Variants in GAK observed in about 807,000 individuals in gnomAD.
GAK encodes cyclin-G-associated kinase.
Under a neutral mutation model 143.9 loss-of-function variants are expected in GAK, and 79 were observed. The ratio of observed to expected loss-of-function variants is 0.55; its 90% CI spans 0.46 to 0.66. The LOEUF (loss-of-function observed/expected upper bound fraction) is 0.66. Ranked by LOEUF, GAK falls within the 30% of genes least tolerant of loss-of-function variation. GAK has a pLI of 0.00. For missense variants in GAK, 1,693 were observed against 1,779.7 expected (o/e 0.95, Z 0.88); for synonymous variants, 881 against 765.5 (o/e 1.15, Z -2.49).
In GAK at chr4:904,907, A is replaced by T. The variant is rs963847630; in HGVS notation, c.383-128T>A. The T allele has an allele frequency of 1.2e-5, 11 of 889,090 alleles. No homozygotes were observed. In the Admixed American group the frequency reaches 3.0e-4, roughly 24 times the overall value. 55.1% of individuals were successfully genotyped at this position (889,090 alleles called of 1,614,324 possible). The stretch of plus-strand genomic sequence containing the variant: ...AACCCTGACTTTCCACACCTAAGTA[A>T]CAAAACGACCAGAGGTGACTCCCTT... On this transcript the variant is annotated intron_variant, in intron 4 of 27. Coordinates refer to ENST00000314167, the MANE Select transcript of GAK (RefSeq NM_005255.4).
At chr4:931,380 G>A (rs1482845735) in intron 1 of GAK, among the ~76,000 whole-genome samples, 5 of 152,092 alleles carry the variant, frequency 3.3e-5, no homozygotes, top group Non-Finnish European at 7.4e-5. Flanking sequence ...GAAAGACGAA[G>A]GGGGATCACG....
At chr4:897,436 T>C (rs960693350) in intron 6 of GAK, among the ~76,000 whole-genome samples, 1 of 152,104 alleles carries the variant, frequency 6.6e-6, no homozygotes, top group Non-Finnish European at 1.5e-5. Flanking sequence ...AAGGCCCAAG[T>C]GCAGAGAGCG....
intron 23 of GAK, among the ~76,000 whole-genome samples, chr4:861,324 C>A (rs926223652): frequency 1.3e-5 from 2 of 152,212 alleles, no homozygotes; most frequent in Non-Finnish European, 2.9e-5. Context: ...GGTGCAGCAG[C>A]TCATGCCTGT....
chr4:894,219 T>C (rs1182079620), intron 7 of GAK: 2 of 333,954 alleles, frequency 6.0e-6, no homozygotes, highest in Non-Finnish European at 9.5e-6. Flanking sequence ...CACCGGGGCC[T>C]GCGGGAACAA....
chr4:872,072 G>T (rs945070588), intron 18 of GAK, among the ~76,000 whole-genome samples: 4 of 152,216 alleles, frequency 2.6e-5, no homozygotes, highest in African/African-American at 9.7e-5. Flanking sequence ...TCCGCCGAGG[G>T]AGGGCAGGGA....
intron 12 of GAK, 25 bp downstream of exon 12, chr4:884,012 C>T (rs1306068107): frequency 4.3e-6 from 7 of 1,610,932 alleles, no homozygotes; most frequent in African/African-American, 1.3e-5. Flanking sequence ...GGGGCGCGTC[C>T]CACAGCCTCA....
intron 22 of GAK, among the ~76,000 whole-genome samples, chr4:866,099 T>C (rs553287614): frequency 1.3e-5 from 2 of 152,386 alleles, no homozygotes; most frequent in African/African-American, 4.8e-5. Flanking sequence ...GAGAAACACC[T>C]GTTGCCAGTC....
chr4:857,694 C>A (rs982163519), intron 24 of GAK, among the ~76,000 whole-genome samples: 2 of 152,184 alleles, frequency 1.3e-5, no homozygotes, highest in Non-Finnish European at 2.9e-5. Context: ...TTCCCAGCAG[C>A]CCCGGGAGAG....
At chr4:928,400 CATGCCTGTCGTCCCAGCACTCT>C (rs1254687575) in intron 1 of GAK, among the ~76,000 whole-genome samples, 4 of 152,194 alleles carry the variant, frequency 2.6e-5, no homozygotes, top group Non-Finnish European at 5.9e-5. Context: ...CACATTATCT[CATGCCTGTCGTCCCAGCACTCT>C]GGGAGGCCTA....
In GAK at chr4:905,215, C is replaced by A. The variant is rs190027251; in HGVS notation, c.383-436G>T. Among the ~76,000 whole-genome samples the A allele has an allele frequency of 1.8e-3, 279 of 152,294 alleles. 2 individuals carry two copies. The highest frequency in any genetic ancestry group is 6.5e-3 in the African/African-American group (272 of 41,558). On this transcript the variant is annotated intron_variant, in intron 4 of 27. Transcript: ENST00000314167. Reference sequence around the variant, plus strand: ...TGGGCCCTTGAGCCGCTGCTTGGGCCACCCCCACACCGTGGAGTGTACTTT... The same window carrying A: ...TGGGCCCTTGAGCCGCTGCTTGGGCAACCCCCACACCGTGGAGTGTACTTT...
At chr4:904,808 C>T (rs756797411) in intron 4 of GAK, 29 bp from the exon 5 acceptor site, 4 of 1,609,204 alleles carry the variant, frequency 2.5e-6, no homozygotes, top group Non-Finnish European at 3.4e-6. Flanking sequence ...CACATGGAGG[C>T]AGGAGAACAG....
At chr4:917,444 A>G (rs1455876614) in intron 1 of GAK, among the ~76,000 whole-genome samples, 2 of 152,240 alleles carry the variant, frequency 1.3e-5, no homozygotes, top group African/African-American at 4.8e-5. Flanking sequence ...AAGAGAGTAC[A>G]TATACACATA....
chr4:849,870 G>C, intron 27 of GAK, 22 bp downstream of exon 27: 4 of 1,536,398 alleles, frequency 2.6e-6, no homozygotes, highest in Non-Finnish European at 3.5e-6. Context: ...GCCTCAAGCG[G>C]CCGCCTGGCA....
chr4:893,632 G>T, intron 8 of GAK, 143 bp from the exon 9 acceptor site: 1 of 726,596 alleles, frequency 1.4e-6, no homozygotes, highest in Non-Finnish European at 2.1e-6. Flanking sequence ...AGCGGCAAAG[G>T]GAAGAACAAA....
In GAK at chr4:896,526, C is replaced by T. The variant is rs758841701; in HGVS notation, c.675G>A (p.Met225Ile). The T allele has an allele frequency of 1.4e-5, 22 of 1,613,460 alleles. No individual in the cohort carries two copies. Among genetic ancestry groups the T allele is most frequent in the Non-Finnish European group, 1.6e-5 (19 of 1,179,460 alleles). Residue 225 changes from methionine (M) to isoleucine (I), a missense_variant, in exon 7 of 28, where the codon ATG becomes ATA. Coordinates refer to ENST00000314167, the MANE Select transcript of GAK (RefSeq NM_005255.4). ...EEEITRNTTP[M>I]YRTPEIIDLY... is the part of the protein sequence containing the mutation. ...AGTCTATGATTTCTGGTGTTCTATA[C>T]ATTGGTGTTGTATTCCTCGTGATCT...
intron 19 of GAK, 49 bp downstream of exon 19, chr4:870,662 G>A (rs759636008): frequency 5.1e-6 from 8 of 1,583,456 alleles, no homozygotes; most frequent in African/African-American, 1.4e-5. Context: ...TCTCTCCACA[G>A]AGACACTCAC....
At chr4:851,680 T>C (rs1044251526) in intron 25 of GAK, 70 bp downstream of exon 25, 32 of 1,486,778 alleles carry the variant, frequency 2.2e-5, no homozygotes, top group Admixed American at 6.7e-5. Flanking sequence ...GAAAACAACA[T>C]AGGTTCTACC....
rs531601234 is a variant in GAK, at chr4:893,727, C to G, written c.877+147G>C. ...GGCGGCAGGGGAGCTCTCTGGAAAC[C>G]CCCCCCCCAGGGATGTTGTCAAAAC... is the stretch of plus-strand genomic sequence containing the variant. On this transcript the variant is annotated intron_variant, in intron 8 of 27. Transcript: ENST00000314167. The G allele has an allele frequency of 2.2e-5, 15 of 674,428 alleles. No homozygotes were observed. The African/African-American group carries it at 4.4e-4, about 20-fold the overall frequency. The allele number at this position is 674,428 out of a possible 1,614,324, so 41.8% of individuals were successfully genotyped here.
rs748015269 is a variant in GAK at position 877,122 on chromosome 4, G to A, written c.1942C>T (p.Arg648Trp). 28 of 1,613,486 alleles carry A rather than the reference G, an allele frequency of 1.7e-5. No individual in the cohort carries two copies. The highest frequency in any genetic ancestry group is 2.2e-5 in the East Asian group (1 of 44,880). Reference protein sequence around the residue: ...GDVLIVIYHARSTLGGRLQAK... With the variant: ...GDVLIVIYHAWSTLGGRLQAK... ...TGCAGCCGGCCGCCCAGAGTGGACC[G>A]GGCGTGATAGATGACGATGAGCACG... The change falls in exon 17 of 28, where the codon CGG becomes TGG. Residue 648 changes from arginine to tryptophan, a missense_variant. By Grantham distance (101) the Arg-to-Trp change is moderately radical. This residue lies in a region of GAK where 871 missense variants were observed against 991.0 expected (regional missense o/e 0.88). Coordinates refer to ENST00000314167, the MANE Select transcript of GAK (RefSeq NM_005255.4).
Sources: allele counts gnomAD v4.1 joint callset (sites outside exome capture counted in the v4.1 genomes callset), GRCh38; gene constraint gnomAD v4.1.1; regional missense constraint gnomAD v4.1.1; transcripts MANE v1.5; gene names NCBI Gene and HGNC (gene_info 2026-07-23, HGNC 2026-07-21).